Variants in POP4 observed in about 807,000 individuals in gnomAD.
POP4 encodes POP4 ribonuclease P/MRP subunit.
Under a neutral mutation model 29.9 loss-of-function variants are expected in POP4, and 31 were observed. The observed-to-expected ratio is 1.04, with a 90% CI of 0.78 to 1.40. The LOEUF (loss-of-function observed/expected upper bound fraction) is 1.40. Ranked by LOEUF, POP4 falls within the 40% of genes most tolerant of loss-of-function variation. The probability of loss-of-function intolerance (pLI) is 0.00; values close to 1 mark genes in which losing one functional copy is unlikely to be tolerated. For synonymous variants in POP4, 110 were observed against 108.2 expected (o/e 1.02, Z -0.10); for missense variants, 286 against 282.7 (o/e 1.01, Z -0.08).
Position 29,615,523 on chromosome 19 carries a change from A to G in POP4, c.*143A>G. ...GTGACGCTCCGAGTTGAGGATGTTGAACAACATGGGAAGGTCGCAGCGTAC... is the reference window on the plus strand; with the variant it reads ...GTGACGCTCCGAGTTGAGGATGTTGGACAACATGGGAAGGTCGCAGCGTAC... On this transcript the variant is annotated 3_prime_UTR_variant, in exon 7 of 7. Transcript: ENST00000585603. The G allele has an allele frequency of 1.2e-6, 1 of 846,768 alleles. No individual in the cohort carries two copies. Among genetic ancestry groups the G allele is most frequent in the Non-Finnish European group, 1.8e-6 (1 of 565,994 alleles). 52.5% of individuals were successfully genotyped at this position (846,768 alleles called of 1,614,324 possible).
intron 1 of POP4, among the ~76,000 whole-genome samples, chr19:29,606,812 T>G (rs575479610): frequency 2.2e-4 from 34 of 152,234 alleles, no homozygotes; most frequent in African/African-American, 7.9e-4. Flanking sequence ...GAATTTTTAT[T>G]TTTCATCTCT....
chr19:29,612,006 G>A, intron 4 of POP4, 67 bp downstream of exon 4: 8 of 1,589,684 alleles, frequency 5.0e-6, no homozygotes, highest in Non-Finnish European at 6.9e-6. Context: ...TGTAAATGCG[G>A]CTTCAGGAAC....
In POP4 at chr19:29,610,789, G is replaced by T. The variant is rs1256818599; in HGVS notation, c.284+157G>T. On this transcript the variant is annotated intron_variant, in intron 3 of 6. Transcript: ENST00000585603. ...GGGCAGCCTTCCTTTACCAATCTGG[G>T]CTGTGTTCAGCGAGGCGGGTGAGAC... is the stretch of plus-strand genomic sequence containing the variant. 9 of 712,656 alleles carry T rather than the reference G, an allele frequency of 1.3e-5. No homozygotes were observed. The East Asian group carries it at 1.9e-4, about 15-fold the overall frequency. 44.1% of individuals were successfully genotyped at this position (712,656 alleles called of 1,614,324 possible). A position where few individuals can be genotyped will look rare whatever the true frequency, so the allele number is the denominator to read the frequency against.
intron 3 of POP4, 134 bp downstream of exon 3, chr19:29,610,766 G>A (rs1971059028): frequency 2.3e-6 from 2 of 884,178 alleles, no homozygotes; most frequent in Non-Finnish European, 3.4e-6. Context: ...CCACAAGAGG[G>A]CAGCCTTCCT....
chr19:29,606,690 G>A lies in POP4; in HGVS notation c.7+365G>A, dbSNP rs192043121. On this transcript the variant is annotated intron_variant, in intron 1 of 6. Coordinates refer to ENST00000585603, the MANE Select transcript of POP4 (RefSeq NM_006627.3). ...TCACACTCTTAACCTGATGCAAAGC[G>A]CCGAGAGCTGCTGGGGAATGATATC... 2.7e-4 allele frequency among the ~76,000 whole-genome samples: 41 copies of A among 152,230 alleles called. No homozygotes were observed. In the East Asian group the frequency reaches 6.8e-3, roughly 25 times the overall value.
intron 6 of POP4, among the ~76,000 whole-genome samples, chr19:29,614,913 C>G (rs559535892): frequency 6.6e-6 from 1 of 152,324 alleles, no homozygotes; most frequent in South Asian, 2.1e-4. Context: ...AGTTTCTCCA[C>G]AGAGCATAAG....
At chr19:29,614,105 G>C in intron 6 of POP4, 133 bp downstream of exon 6, 1 of 1,440,956 alleles carries the variant, frequency 6.9e-7, no homozygotes. Flanking sequence ...TGCTGAACCT[G>C]CATTAAAGCC....
chr19:29,610,025 T>C (rs894674628), intron 2 of POP4, among the ~76,000 whole-genome samples: 4 of 152,256 alleles, frequency 2.6e-5, no homozygotes, highest in South Asian at 2.1e-4. Context: ...CTCACTTTCA[T>C]CTGGTCATGC....
intron 2 of POP4, chr19:29,609,256 TCA>T (rs1971038025): frequency 6.6e-6 from 1 of 152,534 alleles, no homozygotes; most frequent in Non-Finnish European, 1.5e-5. Context: ...CCTATTATAG[TCA>T]CAATGACGAG....
intron 5 of POP4, among the ~76,000 whole-genome samples, chr19:29,612,651 C>T (rs992316676): frequency 6.6e-6 from 1 of 152,178 alleles, no homozygotes; most frequent in African/African-American, 2.4e-5. Flanking sequence ...TCAGACTTTA[C>T]ATAGCCAAAG....
At position 29,606,368 on chromosome 19, in the gene POP4, G is replaced by C. The variant is rs755999882; in HGVS notation, c.7+43G>C. 1.9e-6 allele frequency: 3 copies of C among 1,589,268 alleles called. No homozygotes were observed. The African/African-American group carries it at 4.1e-5, about 22-fold the overall frequency. On this transcript the variant is annotated intron_variant, in intron 1 of 6. Transcript: ENST00000585603. ...GTTGGAGAGGGTTGGGGACGTTAAGGGTCGGGGTCTTGGTACTGGTGGGTG... is the reference window on the plus strand; with the variant it reads ...GTTGGAGAGGGTTGGGGACGTTAAGCGTCGGGGTCTTGGTACTGGTGGGTG...
intron 1 of POP4, 88 bp downstream of exon 1, chr19:29,606,413 G>T: frequency 6.9e-7 from 1 of 1,441,246 alleles, no homozygotes. Context: ...CGGGCTACCT[G>T]TTGCTGCGGA....
intron 6 of POP4, among the ~76,000 whole-genome samples, chr19:29,614,788 G>C (rs1234889062): frequency 3.3e-5 from 5 of 152,198 alleles, no homozygotes; most frequent in African/African-American, 1.2e-4. Context: ...ATAGGTGTGA[G>C]CCACCGCGCC....
chr19:29,607,410 T>A (rs574848940), intron 1 of POP4, among the ~76,000 whole-genome samples: 1 of 151,894 alleles, frequency 6.6e-6, no homozygotes, highest in African/African-American at 2.4e-5. Flanking sequence ...ATTGTGCCAC[T>A]GCACTCCAGC....
chr19:29,614,104 T>C, intron 6 of POP4, 132 bp downstream of exon 6: 1 of 1,442,608 alleles, frequency 6.9e-7, no homozygotes, highest in Non-Finnish European at 9.1e-7. Flanking sequence ...TTGCTGAACC[T>C]GCATTAAAGC....
At chr19:29,610,858 C>A (rs983565095) in intron 3 of POP4, 3 of 561,768 alleles carry the variant, frequency 5.3e-6, no homozygotes, top group Non-Finnish European at 6.4e-6. Flanking sequence ...AGGAGTAAGA[C>A]CCGTGCAAGT....
Position 29,615,547 on chromosome 19 carries a change from A to G in POP4, c.*167A>G. ...GAACAACATGGGAAGGTCGCAGCGT[A>G]CTAAGTGAAGAAGTCAGAGGACAGA... On this transcript the variant is annotated 3_prime_UTR_variant, in exon 7 of 7. Transcript: ENST00000585603. 1 of 647,936 alleles carries G rather than the reference A, an allele frequency of 1.5e-6. No individual in the cohort carries two copies. The allele number at this position is 647,936 out of a possible 1,614,324, so 40.1% of individuals were successfully genotyped here.
intron 1 of POP4, 82 bp downstream of exon 1, chr19:29,606,407 C>G (rs1970997915): frequency 6.9e-7 from 1 of 1,456,512 alleles, no homozygotes. Flanking sequence ...TGGGTCCGGG[C>G]TACCTGTTGC....
intron 5 of POP4, among the ~76,000 whole-genome samples, chr19:29,613,663 C>G (rs1340525715): frequency 6.6e-6 from 1 of 152,188 alleles, no homozygotes; most frequent in African/African-American, 2.4e-5. Flanking sequence ...TAGGAACAGT[C>G]CAGAGGCTGC....
Sources: allele counts gnomAD v4.1 joint callset (sites outside exome capture counted in the v4.1 genomes callset), GRCh38; gene constraint gnomAD v4.1.1; transcripts MANE v1.5; gene names NCBI Gene and HGNC (gene_info 2026-07-23, HGNC 2026-07-21).